The following CRYZL1 variants were observed in gnomAD, a reference collection of about 807,000 sequenced individuals.
CRYZL1 encodes crystallin zeta like 1, also known as ferry endosomal RAB5 effector complex subunit 4.
In CRYZL1, 34 loss-of-function variants were observed where a neutral mutation model predicts 50.6. That is an observed-to-expected ratio of 0.67 (90% CI 0.51 to 0.89). CRYZL1 has a LOEUF of 0.89. Among genes scored for constraint, CRYZL1 ranks in the 40% least tolerant of loss-of-function variants. CRYZL1 has a pLI of 0.00. For missense variants in CRYZL1, 354 were observed against 402.3 expected (o/e 0.88, Z 1.03); for synonymous variants, 125 against 134.3 (o/e 0.93, Z 0.48).
At chr21:33,592,143 CTT>C (rs1186073775) in intron 11 of CRYZL1, among the ~76,000 whole-genome samples, 26 of 129,392 alleles carry the variant, frequency 2.0e-4, no homozygotes, top group Non-Finnish European at 2.3e-4. Context: ...TTTTTCAGAG[CTT>C]TTTTTTTTTT....
intron 2 of CRYZL1, among the ~76,000 whole-genome samples, chr21:33,626,239 G>A (rs1176244464): frequency 1.3e-5 from 2 of 152,054 alleles, no homozygotes; most frequent in Non-Finnish European, 2.9e-5. Context: ...GATTGCAGGC[G>A]TAAGCCACTG....
chr21:33,631,400 C>G, intron 2 of CRYZL1, 86 bp downstream of exon 2: 1 of 937,356 alleles, frequency 1.1e-6, no homozygotes, highest in Non-Finnish European at 1.5e-6. Context: ...TTCATTAAGT[C>G]TCACTGAAAA....
At chr21:33,636,506 T>C (rs181260240) in intron 1 of CRYZL1, among the ~76,000 whole-genome samples, 2 of 152,300 alleles carry the variant, frequency 1.3e-5, no homozygotes, top group African/African-American at 4.8e-5. Flanking sequence ...CTGAGGATTA[T>C]GTTAGTAATA....
intron 1 of CRYZL1, chr21:33,640,105 C>T (rs762791560): frequency 2.0e-5 from 31 of 1,536,376 alleles, no homozygotes; most frequent in Non-Finnish European, 2.4e-5. Context: ...GGATTACAGG[C>T]GTGAGCCACC....
chr21:33,641,301 A>C, intron 1 of CRYZL1: 2 of 1,548,886 alleles, frequency 1.3e-6, no homozygotes, highest in Non-Finnish European at 1.7e-6. Flanking sequence ...GGAAGAAAGA[A>C]GTGGCTGAGA....
intron 1 of CRYZL1, among the ~76,000 whole-genome samples, chr21:33,631,782 T>C (rs993295656): frequency 6.6e-6 from 1 of 152,212 alleles, no homozygotes; most frequent in Non-Finnish European, 1.5e-5. Flanking sequence ...AACCTTTTAC[T>C]ACAAAGGCAA....
At chr21:33,603,597 G>T in intron 6 of CRYZL1, 60 bp from the exon 7 acceptor site, 1 of 1,591,330 alleles carries the variant, frequency 6.3e-7, no homozygotes, top group East Asian at 2.2e-5. Context: ...CTACCTCCTG[G>T]ATCTATTTCT....
At chr21:33,624,113 T>C (rs2087032870) in intron 3 of CRYZL1, among the ~76,000 whole-genome samples, 1 of 152,154 alleles carries the variant, frequency 6.6e-6, no homozygotes, top group Non-Finnish European at 1.5e-5. Flanking sequence ...TAAAATATTA[T>C]AAAATATTTA....
At chr21:33,632,490 G>A (rs2087152689) in intron 1 of CRYZL1, among the ~76,000 whole-genome samples, 1 of 151,666 alleles carries the variant, frequency 6.6e-6, no homozygotes, top group South Asian at 2.1e-4. Flanking sequence ...CGATCCGCCT[G>A]CCTCAGCCCC....
chr21:33,630,012 C>G (rs961173983), intron 2 of CRYZL1, among the ~76,000 whole-genome samples: 6 of 152,120 alleles, frequency 3.9e-5, no homozygotes, highest in Non-Finnish European at 2.9e-5. Context: ...GTCCTTCATT[C>G]TGTTAATGTG....
intron 4 of CRYZL1, among the ~76,000 whole-genome samples, chr21:33,621,126 C>G (rs1378659384): frequency 6.7e-6 from 1 of 148,840 alleles, no homozygotes; most frequent in African/African-American, 2.5e-5. Flanking sequence ...AGGATGGTCT[C>G]GATCTCCTGA....
chr21:33,606,557 T>C (rs1031268136), intron 6 of CRYZL1, among the ~76,000 whole-genome samples: 3 of 149,114 alleles, frequency 2.0e-5, no homozygotes, highest in Non-Finnish European at 3.0e-5. Context: ...ACCCAGGAGA[T>C]GGAGGTTGCG....
chr21:33,600,675 G>C (rs916811923), intron 8 of CRYZL1, among the ~76,000 whole-genome samples: 1 of 150,922 alleles, frequency 6.6e-6, no homozygotes, highest in African/African-American at 2.4e-5. Context: ...ACCCAGTCTG[G>C]AGTGCAGTGG....
chr21:33,597,916 C>G (rs2086712444), intron 9 of CRYZL1, among the ~76,000 whole-genome samples: 1 of 152,084 alleles, frequency 6.6e-6, no homozygotes, highest in Non-Finnish European at 1.5e-5. Flanking sequence ...ACCCAGCCCT[C>G]CTTACTTTTT....
Position 33,589,895 on chromosome 21 carries a change from A to G in CRYZL1, c.977T>C (p.Leu326Pro). 1 of 1,609,712 alleles carries G rather than the reference A, an allele frequency of 6.2e-7. No homozygotes were observed. The change falls in exon 13 of 13, where the codon CTG (leucine) becomes CCG (proline). Residue 326 changes from leucine (L) to proline (P), a missense_variant. Coordinates refer to ENST00000381554, the MANE Select transcript of CRYZL1 (RefSeq NM_145858.3). ...FRPQLDEPIP[L>P]YEAKVSMEAV... ...TTCCATGGAAACTTTTGCCTCATAC[A>G]GTGGAATGGGTTCATCCAACTGAGG...
chr21:33,597,530 G>A, intron 9 of CRYZL1, 129 bp from the exon 10 acceptor site: 4 of 708,280 alleles, frequency 5.6e-6, no homozygotes, highest in Non-Finnish European at 4.6e-6. Context: ...TGCCCAGGCT[G>A]GCCTGGACTC....
At chr21:33,639,286 T>A (rs901931230) in intron 1 of CRYZL1, among the ~76,000 whole-genome samples, 19 of 152,216 alleles carry the variant, frequency 1.2e-4, no homozygotes, top group Admixed American at 3.9e-4. Flanking sequence ...ATCCCAAAGA[T>A]CTGAAAATCT....
chr21:33,599,078 G>C (rs2086723903), intron 9 of CRYZL1, 72 bp downstream of exon 9: 3 of 1,386,094 alleles, frequency 2.2e-6, no homozygotes, highest in Non-Finnish European at 3.0e-6. Flanking sequence ...ATTATGCCCT[G>C]GTTAAATTTT....
chr21:33,641,259 C>G (rs2145975550), intron 1 of CRYZL1: 2 of 1,550,526 alleles, frequency 1.3e-6, no homozygotes, highest in South Asian at 1.2e-5. Context: ...CGAATAACTA[C>G]TAACTGCTTT....
Sources: allele counts gnomAD v4.1 joint callset (sites outside exome capture counted in the v4.1 genomes callset), GRCh38; gene constraint gnomAD v4.1.1; transcripts MANE v1.5; gene names NCBI Gene and HGNC (gene_info 2026-07-23, HGNC 2026-07-21).